ARHGAP39: variants seen among roughly 807,000 people sequenced by gnomAD.
ARHGAP39 encodes rho GTPase-activating protein 39.
In ARHGAP39, 44 loss-of-function variants were observed where a neutral mutation model predicts 106.9. The observed-to-expected ratio is 0.41, with a 90% CI of 0.32 to 0.53. The LOEUF (loss-of-function observed/expected upper bound fraction) is 0.53, where lower values mean the gene tolerates loss of function less well. Among genes scored for constraint, ARHGAP39 ranks in the 20% least tolerant of loss-of-function variants. ARHGAP39 has a pLI of 0.21. For synonymous variants in ARHGAP39, 768 were observed against 693.2 expected (o/e 1.11, Z -1.69); for missense variants, 1,496 against 1,577.3 (o/e 0.95, Z 0.87).
chr8:144,546,722 A>G (rs1351883034), intron 5 of ARHGAP39, among the ~76,000 whole-genome samples: 1 of 151,920 alleles, frequency 6.6e-6, no homozygotes, highest in Admixed American at 6.6e-5. Context: ...AGCCTCGGGG[A>G]CTGGCTTTGA....
intron 1 of ARHGAP39, among the ~76,000 whole-genome samples, chr8:144,660,799 G>A (rs772222991): frequency 2.6e-5 from 4 of 152,112 alleles, no homozygotes; most frequent in Non-Finnish European, 4.4e-5. Flanking sequence ...GGCCAACATG[G>A]TGAAATCCTG....
intron 1 of ARHGAP39, among the ~76,000 whole-genome samples, chr8:144,677,927 A>C (rs931303986): frequency 1.3e-5 from 2 of 152,216 alleles, no homozygotes; most frequent in Admixed American, 6.5e-5. Flanking sequence ...AGACATTTAC[A>C]CTTAGGAAAG....
Position 144,547,712 on chromosome 8 carries a change from G to C in ARHGAP39, c.1374C>G (p.His458Gln). The C allele has an allele frequency of 1.3e-6, 2 of 1,591,214 alleles. No individual in the cohort carries two copies. Among genetic ancestry groups the C allele is most frequent in the Non-Finnish European group, 1.7e-6 (2 of 1,174,632 alleles). ...YSTMEGPELR[H>Q]SQPPTPLPQA... ...GTGGCAGCGGCGTGGGCGGCTGGCT[G>C]TGCCGCAGCTCAGGTCCCTCCATGG... The change falls in exon 5 of 12, where the codon CAC (histidine) becomes CAG (glutamine). Residue 458 changes from histidine to glutamine, a missense_variant. Transcript: ENST00000377307. This position sits in a 1 kb window ranked among gnomAD's most constrained non-coding sequence, Gnocchi z 5.2.
chr8:144,547,691 C>T lies in ARHGAP39; in HGVS notation c.1395G>A (p.Leu465=). The T allele has an allele frequency of 6.3e-7, 1 of 1,580,820 alleles. No individual in the cohort carries two copies. The highest frequency in any genetic ancestry group is 1.1e-5 in the South Asian group (1 of 87,898). The stretch of plus-strand genomic sequence containing the variant: ...ACATGGCATCCTCCTGGGCCTGTGG[C>T]AGCGGCGTGGGCGGCTGGCTGTGCC... ...ELRHSQPPTP[L]PQAQEDAMSW... The change falls in exon 5 of 12, where the codon CTG becomes CTA. Residue 465 remains leucine, a synonymous_variant. Coordinates refer to ENST00000377307, the MANE Select transcript of ARHGAP39 (RefSeq NM_025251.3). The surrounding 1 kb of genome is among the most constrained non-coding windows in gnomAD (Gnocchi z 5.2).
At chr8:144,603,840 C>A (rs887708832) in intron 2 of ARHGAP39, among the ~76,000 whole-genome samples, 8 of 152,142 alleles carry the variant, frequency 5.3e-5, no homozygotes, top group Non-Finnish European at 8.8e-5. Flanking sequence ...CAAGGCTGAG[C>A]AGGGCAGCTG....
At chr8:144,698,153 G>A in the ARHGAP39 span, among the ~76,000 whole-genome samples, 1 of 152,138 alleles carries the variant, frequency 6.6e-6, no homozygotes, top group East Asian at 1.9e-4. Flanking sequence ...ATGGTAATAA[G>A]GGAGTTCTAG....
intron 1 of ARHGAP39, among the ~76,000 whole-genome samples, chr8:144,616,019 A>G (rs1386283624): frequency 2.6e-5 from 4 of 152,194 alleles, no homozygotes; most frequent in Admixed American, 6.5e-5. Flanking sequence ...GGGAGGGGGA[A>G]AGGAGGGGGT....
chr8:144,648,255 T>C, intron 1 of ARHGAP39, among the ~76,000 whole-genome samples: 1 of 152,216 alleles, frequency 6.6e-6, no homozygotes, highest in Admixed American at 6.5e-5. Context: ...ATAGCTCCTG[T>C]CTTGACTGTA....
At chr8:144,596,756 CACAG>C (rs1409126583) in intron 2 of ARHGAP39, among the ~76,000 whole-genome samples, 1 of 152,200 alleles carries the variant, frequency 6.6e-6, no homozygotes, top group East Asian at 1.9e-4. Flanking sequence ...AGAAACAGCA[CACAG>C]ACAGAGGACC....
intron 1 of ARHGAP39, chr8:144,683,557 G>C (rs1293485733): frequency 6.6e-6 from 1 of 151,582 alleles, no homozygotes; most frequent in Non-Finnish European, 1.5e-5. Flanking sequence ...ATGTTGGTTA[G>C]GCTGATCTTG....
chr8:144,640,119 T>C (rs1050202819), intron 1 of ARHGAP39, among the ~76,000 whole-genome samples: 4 of 152,194 alleles, frequency 2.6e-5, no homozygotes, highest in Non-Finnish European at 4.4e-5. Flanking sequence ...GAGTAATCTA[T>C]GCTATTTTAG....
intron 1 of ARHGAP39, among the ~76,000 whole-genome samples, chr8:144,648,205 CCAG>C (rs377325691): frequency 1.1e-4 from 16 of 152,202 alleles, no homozygotes; most frequent in African/African-American, 3.9e-4. Context: ...TCTGATTTCC[CCAG>C]CAGAAGCCCC....
At position 144,548,155 on chromosome 8, in the gene ARHGAP39, G is replaced by C. The variant is rs201484808; in HGVS notation, c.931C>G (p.Pro311Ala). The C allele has an allele frequency of 2.5e-6, 4 of 1,573,228 alleles. No homozygotes were observed. The highest frequency in any genetic ancestry group is 3.5e-6 in the Non-Finnish European group (4 of 1,158,352). The change falls in exon 5 of 12, where the codon CCG becomes GCG. Residue 311 changes from proline (P) to alanine (A), a missense_variant. Pro to Ala is a conservative substitution (Grantham distance 27, BLOSUM62 -1). This residue lies in a region of ARHGAP39 where 905 missense variants were observed against 816.4 expected (regional missense o/e 1.11). Coordinates refer to ENST00000377307, the MANE Select transcript of ARHGAP39 (RefSeq NM_025251.3). This position sits in a 1 kb window ranked among gnomAD's most constrained non-coding sequence, Gnocchi z 7.4. ...TCCACTGGGGGCTCCTCGTAGAGCG[G>C]GGGTTCATAGCCATAGCGCGGGGAG... is the stretch of plus-strand genomic sequence containing the variant. ...PSSPRYGYEP[P>A]LYEEPPVEYQ...
At chr8:144,656,807 C>CAAA (rs35058065) in intron 1 of ARHGAP39, among the ~76,000 whole-genome samples, 5,585 of 42,246 alleles carry the variant, frequency 0.13, 1,295 homozygotes, top group African/African-American at 0.24. Context: ...GACTCCATCT[C>CAAA]AAAAAAAAAA....
chr8:144,554,295 G>A (rs1234507899), intron 4 of ARHGAP39, among the ~76,000 whole-genome samples: 5 of 152,150 alleles, frequency 3.3e-5, no homozygotes, highest in African/African-American at 1.2e-4. Flanking sequence ...ACGCTGGGGC[G>A]GGCTTAGCTC....
chr8:144,582,220 C>A (rs1004850370), intron 2 of ARHGAP39, among the ~76,000 whole-genome samples: 2 of 152,230 alleles, frequency 1.3e-5, no homozygotes, highest in Non-Finnish European at 2.9e-5. Flanking sequence ...GCGGCTCCCC[C>A]AGGTCAAGGA....
rs952265597 is a variant in ARHGAP39, at chr8:144,628,597, G to A, written c.-81-22902C>T. Among the ~76,000 whole-genome samples the A allele has an allele frequency of 3.3e-5, 5 of 152,338 alleles. No individual in the cohort carries two copies. In the East Asian group the frequency reaches 5.8e-4, roughly 18 times the overall value. On this transcript the variant is annotated intron_variant, in intron 1 of 11. Coordinates refer to ENST00000377307, the MANE Select transcript of ARHGAP39 (RefSeq NM_025251.3). ...AAACCGTCTCTCTCGATAACTGACAGGGTGGGCAGACAACAAAACAAGATC... is the reference window on the plus strand; with the variant it reads ...AAACCGTCTCTCTCGATAACTGACAAGGTGGGCAGACAACAAAACAAGATC...
At chr8:144,652,815 T>G (rs1239964535) in intron 1 of ARHGAP39, among the ~76,000 whole-genome samples, 1 of 152,010 alleles carries the variant, frequency 6.6e-6, no homozygotes, top group Admixed American at 6.6e-5. Flanking sequence ...TACTGGGTAC[T>G]GGGCTTAATA....
intron 2 of ARHGAP39, among the ~76,000 whole-genome samples, chr8:144,596,585 G>T (rs971990021): frequency 6.6e-6 from 1 of 152,214 alleles, no homozygotes; most frequent in Admixed American, 6.5e-5. Context: ...CATGGAGGGG[G>T]TGCTGCGCGG....
Sources: gnomAD v4.1 joint callset for allele counts (sites outside exome capture counted in the v4.1 genomes callset) on GRCh38, gnomAD v4.1.1 for gene constraint, gnomAD v4.1.1 regional missense constraint, Gnocchi (gnomAD v3.1) non-coding constraint, MANE v1.5 for transcripts, NCBI Gene and HGNC (gene_info 2026-07-23, HGNC 2026-07-21) for gene names.